MAD1L1: variants seen among roughly 807,000 people sequenced by gnomAD.
MAD1L1 encodes mitotic spindle assembly checkpoint protein MAD1.
A neutral mutation model predicts 96.9 loss-of-function variants in MAD1L1; 95 were observed. That is an observed-to-expected ratio of 0.98 (90% confidence interval 0.83 to 1.16). The LOEUF (loss-of-function observed/expected upper bound fraction) is 1.16. Among genes scored for constraint, MAD1L1 ranks in the 50% most tolerant of loss-of-function variants. The pLI is 0.00. For synonymous variants in MAD1L1, 473 were observed against 396.6 expected (o/e 1.19, Z -2.29); for missense variants, 1,007 against 954.4 (o/e 1.06, Z -0.73).
intron 3 of MAD1L1, among the ~76,000 whole-genome samples, chr7:2,228,147 C>T (rs988949566): frequency 6.6e-6 from 1 of 152,136 alleles, no homozygotes; most frequent in East Asian, 1.9e-4. Flanking sequence ...ATCACTGATC[C>T]CCTCACCGAG....
intron 10 of MAD1L1, among the ~76,000 whole-genome samples, chr7:2,172,457 G>C (rs1433571334): frequency 6.6e-6 from 1 of 152,160 alleles, no homozygotes; most frequent in Non-Finnish European, 1.5e-5. Flanking sequence ...GAAAGGCCCC[G>C]GGTCTCCAGA....
intron 10 of MAD1L1, among the ~76,000 whole-genome samples, chr7:2,178,828 C>T (rs541519188): frequency 2.0e-5 from 3 of 149,978 alleles, no homozygotes; most frequent in African/African-American, 7.4e-5. Context: ...ACCCAGGAGA[C>T]GGAGGTTGCA....
chr7:2,190,595 T>C (rs573772946), intron 10 of MAD1L1, among the ~76,000 whole-genome samples: 8 of 152,294 alleles, frequency 5.3e-5, no homozygotes, highest in Non-Finnish European at 1.0e-4. Flanking sequence ...TATATAGTAC[T>C]CTGCCAACTC....
intron 18 of MAD1L1, among the ~76,000 whole-genome samples, chr7:1,890,684 AGAG>A (rs924273194): frequency 6.6e-6 from 1 of 152,114 alleles, no homozygotes; most frequent in Non-Finnish European, 1.5e-5. Flanking sequence ...TATGTCGGGG[AGAG>A]GAGGAGGGAG....
At chr7:2,046,850 G>A (rs571445438) in intron 12 of MAD1L1, among the ~76,000 whole-genome samples, 1 of 152,312 alleles carries the variant, frequency 6.6e-6, no homozygotes, top group East Asian at 1.9e-4. Context: ...CTAAGGAGGA[G>A]GAGCAGCGCT....
At chr7:2,045,867 T>C (rs1423021362) in intron 12 of MAD1L1, among the ~76,000 whole-genome samples, 1 of 152,128 alleles carries the variant, frequency 6.6e-6, no homozygotes, top group East Asian at 1.9e-4. Flanking sequence ...CAAGTAGTCC[T>C]TAAATCCAAA....
At chr7:1,999,806 C>T (rs552489955) in intron 14 of MAD1L1, among the ~76,000 whole-genome samples, 6 of 152,328 alleles carry the variant, frequency 3.9e-5, no homozygotes, top group South Asian at 2.1e-4. Flanking sequence ...ATCAATGAAA[C>T]GCCGGCCGCA....
At chr7:2,012,383 C>A (rs1167364040) in intron 13 of MAD1L1, among the ~76,000 whole-genome samples, 2 of 152,230 alleles carry the variant, frequency 1.3e-5, no homozygotes, top group Non-Finnish European at 2.9e-5. Context: ...GGGTCAGAGA[C>A]CCTCCCCGCA....
At chr7:1,860,860 G>A (rs546156473) in intron 18 of MAD1L1, among the ~76,000 whole-genome samples, 1 of 152,326 alleles carries the variant, frequency 6.6e-6, no homozygotes, top group Non-Finnish European at 1.5e-5. Context: ...GCTGCCCTGG[G>A]TCACCCCTGT....
chr7:2,225,376 T>C (rs927881632), intron 4 of MAD1L1, 34 bp downstream of exon 4: 4 of 1,611,546 alleles, frequency 2.5e-6, no homozygotes, highest in Non-Finnish European at 2.5e-6. Flanking sequence ...TTCCTGGGGC[T>C]GTCTGGGCCG....
intron 18 of MAD1L1, among the ~76,000 whole-genome samples, chr7:1,878,573 A>T (rs1201551376): frequency 2.2e-5 from 1 of 45,388 alleles, no homozygotes; most frequent in Non-Finnish European, 4.5e-5. Flanking sequence ...CAATAGATGT[A>T]AAAAAAAAAA....
At chr7:2,196,333 C>G (rs1477426436) in intron 10 of MAD1L1, among the ~76,000 whole-genome samples, 1 of 152,230 alleles carries the variant, frequency 6.6e-6, no homozygotes, top group Non-Finnish European at 1.5e-5. Flanking sequence ...CAAATAAACT[C>G]TAGAAACTCT....
intron 3 of MAD1L1, among the ~76,000 whole-genome samples, chr7:2,228,026 AG>A (rs879303459): frequency 0.17 from 25,094 of 152,004 alleles, 2,280 homozygotes; most frequent in Middle Eastern, 0.26. Flanking sequence ...GCTCAGCAGG[AG>A]AGAGAGAACC....
At chr7:1,883,370 C>T (rs1785807231) in intron 18 of MAD1L1, among the ~76,000 whole-genome samples, 1 of 152,204 alleles carries the variant, frequency 6.6e-6, no homozygotes, top group South Asian at 2.1e-4. Flanking sequence ...CTGTGACTCA[C>T]AAACGGCCCC....
intron 12 of MAD1L1, among the ~76,000 whole-genome samples, chr7:2,064,017 G>C (rs376631508): frequency 1.3e-5 from 2 of 152,178 alleles, no homozygotes; most frequent in Admixed American, 6.5e-5. Context: ...AGCCTCTCCC[G>C]TAGCAGGCCG....
At chr7:1,855,692 G>A (rs1413849127) in intron 18 of MAD1L1, among the ~76,000 whole-genome samples, 2 of 152,136 alleles carry the variant, frequency 1.3e-5, no homozygotes, top group Admixed American at 1.3e-4. Flanking sequence ...TCCCTCCACA[G>A]TGCTCCTCCC....
intron 10 of MAD1L1, among the ~76,000 whole-genome samples, chr7:2,197,671 G>C (rs1025231753): frequency 6.6e-6 from 1 of 152,124 alleles, no homozygotes; most frequent in Non-Finnish European, 1.5e-5. Context: ...CTCCAGACTC[G>C]GGCCAGCTGT....
chr7:1,826,599 G>T (rs911160223), intron 18 of MAD1L1, among the ~76,000 whole-genome samples: 3 of 152,182 alleles, frequency 2.0e-5, no homozygotes, highest in African/African-American at 7.2e-5. Flanking sequence ...GGCGTCCCTC[G>T]GGGGAGACGA....
intron 16 of MAD1L1, among the ~76,000 whole-genome samples, chr7:1,945,655 C>A (rs1562550479): frequency 6.6e-6 from 1 of 152,336 alleles, no homozygotes; most frequent in East Asian, 1.9e-4. Context: ...CCGGCCAGTG[C>A]TCTGTGAGCC....
Sources: gnomAD v4.1 joint callset for allele counts (sites outside exome capture counted in the v4.1 genomes callset) on GRCh38, gnomAD v4.1.1 for gene constraint, MANE v1.5 for transcripts, NCBI Gene and HGNC (gene_info 2026-07-23, HGNC 2026-07-21) for gene names.